Variants in CYP7B1 observed in about 807,000 individuals in gnomAD.
The protein encoded by CYP7B1 is cytochrome P450 family 7 subfamily B member 1.
In CYP7B1, 29 loss-of-function variants were observed where a neutral mutation model predicts 42.7. That is an observed-to-expected ratio of 0.68 (90% CI 0.51 to 0.93). CYP7B1 has a LOEUF of 0.93. Among genes scored for constraint, CYP7B1 ranks in the 40% least tolerant of loss-of-function variants. The probability of loss-of-function intolerance (pLI) is 0.00; values close to 1 mark genes in which losing one functional copy is unlikely to be tolerated. For missense variants in CYP7B1, 655 were observed against 600.5 expected (o/e 1.09, Z -0.95); for synonymous variants, 235 against 218.2 (o/e 1.08, Z -0.68).
intron 1 of CYP7B1, among the ~76,000 whole-genome samples, chr8:64,760,307 T>C (rs1807869860): frequency 6.6e-6 from 1 of 152,050 alleles, no homozygotes; most frequent in Admixed American, 6.5e-5. Context: ...TCAGCAATGA[T>C]TTTTTGGTTA....
At chr8:64,725,090 C>T (rs1359571792) in intron 1 of CYP7B1, among the ~76,000 whole-genome samples, 1 of 152,192 alleles carries the variant, frequency 6.6e-6, no homozygotes, top group Admixed American at 6.5e-5. Context: ...GTTTCCCCAT[C>T]AATCCGTAAC....
chr8:64,748,538 T>C (rs887673275), intron 1 of CYP7B1, among the ~76,000 whole-genome samples: 3 of 152,198 alleles, frequency 2.0e-5, no homozygotes, highest in African/African-American at 4.8e-5. Context: ...GGAAACACTA[T>C]TAAAATTCTC....
intron 2 of CYP7B1, among the ~76,000 whole-genome samples, chr8:64,617,692 GT>G (rs1278581073): frequency 6.6e-6 from 1 of 151,994 alleles, no homozygotes; most frequent in Non-Finnish European, 1.5e-5. Flanking sequence ...GTGTGTCTGT[GT>G]GTGTGTGTGT....
chr8:64,761,441 A>C (rs2129633723), intron 1 of CYP7B1, among the ~76,000 whole-genome samples: 1 of 152,298 alleles, frequency 6.6e-6, no homozygotes, highest in East Asian at 1.9e-4. Flanking sequence ...CATGTTAAAC[A>C]CTTTAAATAT....
intron 1 of CYP7B1, among the ~76,000 whole-genome samples, chr8:64,685,776 G>T (rs1585854733): frequency 5.5e-5 from 3 of 54,442 alleles, no homozygotes; most frequent in African/African-American, 1.1e-4. Flanking sequence ...AGGGAGGTGG[G>T]GGGGGGTCAG....
chr8:64,634,188 AG>A (rs890207904), intron 1 of CYP7B1, among the ~76,000 whole-genome samples: 2 of 152,202 alleles, frequency 1.3e-5, no homozygotes, highest in African/African-American at 4.8e-5. Flanking sequence ...TTTCATGGTT[AG>A]ATTGAGGTAT....
At chr8:64,632,725 C>T (rs923176552) in intron 1 of CYP7B1, among the ~76,000 whole-genome samples, 1 of 152,106 alleles carries the variant, frequency 6.6e-6, no homozygotes, top group African/African-American at 2.4e-5. Context: ...AAAAAATCTA[C>T]AGCTTACATC....
At chr8:64,668,395 A>G (rs1381473580) in intron 1 of CYP7B1, among the ~76,000 whole-genome samples, 1 of 152,048 alleles carries the variant, frequency 6.6e-6, no homozygotes, top group Non-Finnish European at 1.5e-5. Flanking sequence ...AAGGACCACT[A>G]TATGAGGCTC....
intron 1 of CYP7B1, among the ~76,000 whole-genome samples, chr8:64,666,789 T>C (rs1004169517): frequency 6.6e-6 from 1 of 152,232 alleles, no homozygotes; most frequent in Non-Finnish European, 1.5e-5. Context: ...GTCGTTACCT[T>C]CCTTACCAAA....
At chr8:64,670,723 C>A (rs752298220) in intron 1 of CYP7B1, among the ~76,000 whole-genome samples, 1 of 152,186 alleles carries the variant, frequency 6.6e-6, no homozygotes, top group Non-Finnish European at 1.5e-5. Context: ...GAGAGGGCAA[C>A]GAGAAAGCCG....
At chr8:64,725,658 GGAATGCA>G (rs1807312156) in intron 1 of CYP7B1, among the ~76,000 whole-genome samples, 2 of 152,310 alleles carry the variant, frequency 1.3e-5, no homozygotes, top group South Asian at 4.1e-4. Context: ...ATCACAGAAG[GGAATGCA>G]GAGAGTGGGA....
chr8:64,590,064 T>A (rs1805014707), downstream of CYP7B1, among the ~76,000 whole-genome samples: 1 of 152,248 alleles, frequency 6.6e-6, no homozygotes, highest in African/African-American at 2.4e-5. Context: ...ATTCACATGA[T>A]CATTGCTAAT....
chr8:64,669,685 C>G (rs1585844446), intron 1 of CYP7B1, among the ~76,000 whole-genome samples: 1 of 151,780 alleles, frequency 6.6e-6, no homozygotes, highest in East Asian at 1.9e-4. Flanking sequence ...GTAGGGGTTT[C>G]TTGAGTTCTC....
In CYP7B1 at chr8:64,656,219, AAAAC is replaced by A. The variant is rs534252706; in HGVS notation, c.123-31684_123-31681del. Among the ~76,000 whole-genome samples the A allele has an allele frequency of 3.8e-4, 58 of 152,310 alleles. No homozygotes were observed. The East Asian group carries it at 9.6e-3, about 25-fold the overall frequency. ...ATAAATAAATCACTACCCTAAATTA[AAAAC>A]AAACAAACAAACAAAAAACAGAAAA... On this transcript the variant is annotated intron_variant, in intron 1 of 5. Transcript: ENST00000310193.
chr8:64,588,455 AG>A (rs1804996643), downstream of CYP7B1, among the ~76,000 whole-genome samples: 1 of 152,212 alleles, frequency 6.6e-6, no homozygotes, highest in Non-Finnish European at 1.5e-5. Context: ...TTTTTTTATT[AG>A]GAGGATGGTT....
intron 1 of CYP7B1, among the ~76,000 whole-genome samples, chr8:64,755,467 G>A (rs1418846317): frequency 6.6e-6 from 1 of 152,018 alleles, no homozygotes; most frequent in Non-Finnish European, 1.5e-5. Flanking sequence ...TCCCCAGGCT[G>A]CAGGGCAATG....
At chr8:64,715,808 A>T (rs1807146378) in intron 1 of CYP7B1, among the ~76,000 whole-genome samples, 1 of 152,224 alleles carries the variant, frequency 6.6e-6, no homozygotes, top group South Asian at 2.1e-4. Context: ...TTAGTTCTTA[A>T]CACGGACACA....
At chr8:64,707,478 ACAAT>A (rs1563399469) in intron 1 of CYP7B1, among the ~76,000 whole-genome samples, 1 of 152,090 alleles carries the variant, frequency 6.6e-6, no homozygotes, top group African/African-American at 2.4e-5. Context: ...CTTCACAAAC[ACAAT>A]CAGACTACAG....
intron 1 of CYP7B1, among the ~76,000 whole-genome samples, chr8:64,695,228 G>C (rs1323858970): frequency 1.3e-5 from 2 of 152,038 alleles, no homozygotes; most frequent in Non-Finnish European, 2.9e-5. Flanking sequence ...CACACGCAAA[G>C]CCACTTGTTT....
Sources: gnomAD v4.1 joint callset for allele counts (sites outside exome capture counted in the v4.1 genomes callset) on GRCh38, gnomAD v4.1.1 for gene constraint, MANE v1.5 for transcripts, NCBI Gene and HGNC (gene_info 2026-07-23, HGNC 2026-07-21) for gene names.